KMT2A: variants seen among roughly 807,000 people sequenced by gnomAD.
KMT2A encodes histone-lysine N-methyltransferase 2A.
In KMT2A, 16 loss-of-function variants were observed where a neutral mutation model predicts 345.3. The observed-to-expected ratio is 0.05, with a 90% confidence interval of 0.03 to 0.07. The LOEUF is 0.07. Among genes scored for constraint, KMT2A ranks in the 10% least tolerant of loss-of-function variants. The probability of loss-of-function intolerance (pLI) is 1.00; values close to 1 mark genes in which losing one functional copy is unlikely to be tolerated. For missense variants in KMT2A, 3,272 were observed against 4,841.6 expected (o/e 0.68, Z 9.62); for synonymous variants, 1,599 against 1,778.6 (o/e 0.90, Z 2.54).
Position 118,506,146 on chromosome 11 carries a change from C to G in KMT2A, c.10254C>G (p.Pro3418=), listed in dbSNP as rs1950578570. The G allele has an allele frequency of 6.2e-7, 1 of 1,614,072 alleles. No homozygotes were observed. The highest frequency in any genetic ancestry group is 1.1e-5 in the South Asian group (1 of 91,090). The part of the protein sequence containing the change: ...MFPQLGTSQT[P]STAAITAASS... The stretch of plus-strand genomic sequence containing the variant: ...CACAACTGGGGACATCACAGACCCC[C>G]TCTACTGCTGCAATAACAGCGGCAT... The change falls in exon 27 of 36, where the codon CCC becomes CCG. Residue 3418 remains proline (P), a synonymous_variant. Coordinates refer to ENST00000534358, the MANE Select transcript of KMT2A (RefSeq NM_001197104.2).
chr11:118,490,308 G>T lies in KMT2A; in HGVS notation c.4696+59G>T. ...AGGTTGTACTTGGTGTTCTGGAGGTGAACTAGACTCTAGTGAAATGAAATA... is the reference window on the plus strand; with the variant it reads ...AGGTTGTACTTGGTGTTCTGGAGGTTAACTAGACTCTAGTGAAATGAAATA... On this transcript the variant is annotated intron_variant, in intron 13 of 35. Coordinates refer to ENST00000534358, the MANE Select transcript of KMT2A (RefSeq NM_001197104.2). The surrounding 1 kb of genome is among the most constrained non-coding windows in gnomAD (Gnocchi z 4.2). The T allele has an allele frequency of 6.8e-7, 1 of 1,476,180 alleles. No homozygotes were observed. The highest frequency in any genetic ancestry group is 1.5e-5 in the South Asian group (1 of 68,756). The allele number at this position is 1,476,180 out of a possible 1,614,324, so 91.4% of individuals were successfully genotyped here. A position where few individuals can be genotyped will look rare whatever the true frequency, so the allele number is the denominator to read the frequency against.
In KMT2A at chr11:118,525,815, G is replaced by A. The variant is rs1951070501; in HGVS notation, c.*3643G>A. 1 of 223,724 alleles carries A rather than the reference G, an allele frequency of 4.5e-6. No individual in the cohort carries two copies. Among genetic ancestry groups the A allele is most frequent in the African/African-American group, 2.2e-5 (1 of 44,544 alleles). The allele number at this position is 223,724 out of a possible 1,614,324, so 13.9% of individuals were successfully genotyped here. On this transcript the variant is annotated 3_prime_UTR_variant, in exon 36 of 36. Coordinates refer to ENST00000534358, the MANE Select transcript of KMT2A (RefSeq NM_001197104.2). ...GTTGTTTTTGTTTTTAAGGAAAAGC[G>A]GGTCATTGCAAAGGGCTGGGTGTAA...
rs1950411326 is a variant in KMT2A at position 118,496,505 on chromosome 11, C to T, written c.5664+138C>T. ...CTTACTAATTTATAACTTTTATTTA[C>T]CTATAACTTATAACTTATTAATTTG... On this transcript the variant is annotated intron_variant, in intron 20 of 35. Coordinates refer to ENST00000534358, the MANE Select transcript of KMT2A (RefSeq NM_001197104.2). The surrounding 1 kb of genome is among the most constrained non-coding windows in gnomAD (Gnocchi z 4.7). The T allele has an allele frequency of 9.2e-6, 5 of 544,544 alleles. No homozygotes were observed. Among genetic ancestry groups the T allele is most frequent in the Non-Finnish European group, 1.6e-5 (5 of 307,792 alleles). 33.7% of individuals were successfully genotyped at this position (544,544 alleles called of 1,614,324 possible).
At chr11:118,515,260 T>C (rs1253254443) in intron 31 of KMT2A, among the ~76,000 whole-genome samples, 2 of 152,234 alleles carry the variant, frequency 1.3e-5, no homozygotes, top group Non-Finnish European at 2.9e-5. Flanking sequence ...CTCTCTTCCC[T>C]CCAAATTCCC....
Position 118,488,604 on chromosome 11 carries a change from C to T in KMT2A, c.4333-10C>T, listed in dbSNP as rs200897156. The T allele has an allele frequency of 6.2e-7, 1 of 1,612,978 alleles. No individual in the cohort carries two copies. Among genetic ancestry groups the T allele is most frequent in the Non-Finnish European group, 8.5e-7 (1 of 1,179,080 alleles). ...TGACATACTTCTATCTTCCCATGTT[C>T]TTACTATAGTTTGTGTATTGCCAAG... On this transcript the variant is annotated splice_polypyrimidine_tract_variant and intron_variant, in intron 10 of 35. Coordinates refer to ENST00000534358, the MANE Select transcript of KMT2A (RefSeq NM_001197104.2).
At chr11:118,482,322 GTT>G (rs59281381) in intron 7 of KMT2A, 98 bp from the exon 8 acceptor site, 511 of 676,898 alleles carry the variant, frequency 7.5e-4, no homozygotes, top group South Asian at 9.7e-4. Flanking sequence ...AGTTTAAATA[GTT>G]TTTTTTTTTT....
chr11:118,482,956 G>A (rs1443878974), intron 8 of KMT2A, among the ~76,000 whole-genome samples: 1 of 152,148 alleles, frequency 6.6e-6, no homozygotes, highest in Non-Finnish European at 1.5e-5. Context: ...GGCTTGGCAA[G>A]GCGCAGCGGC....
At chr11:118,519,486 G>T in intron 31 of KMT2A, 132 bp from the exon 32 acceptor site, 2 of 674,396 alleles carry the variant, frequency 3.0e-6, no homozygotes, top group South Asian at 2.3e-5. Flanking sequence ...TGCTAATTTC[G>T]AGCTAATATG....
At chr11:118,450,252 A>G (rs1019316447) in intron 1 of KMT2A, 3 of 152,058 alleles carry the variant, frequency 2.0e-5, no homozygotes, top group Non-Finnish European at 4.4e-5. Flanking sequence ...AATTTGGGAC[A>G]TTGCCAGGAA....
chr11:118,465,331 C>T (rs1949823901), intron 1 of KMT2A, among the ~76,000 whole-genome samples: 1 of 152,118 alleles, frequency 6.6e-6, no homozygotes, highest in African/African-American at 2.4e-5. Context: ...TTCCCACGAC[C>T]CCCAGTTCTT....
Position 118,478,143 on chromosome 11 carries a change from A to G in KMT2A, c.3511A>G (p.Thr1171Ala). The G allele has an allele frequency of 6.2e-7, 1 of 1,614,216 alleles. No individual in the cohort carries two copies. Among genetic ancestry groups the G allele is most frequent in the Non-Finnish European group, 8.5e-7 (1 of 1,180,050 alleles). Residue 1171 changes from threonine (T) to alanine (A), a missense_variant, in exon 5 of 36, where the codon ACT becomes GCT. Coordinates refer to ENST00000534358, the MANE Select transcript of KMT2A (RefSeq NM_001197104.2). ...CQVPEDCGVCTNCLDKPKFGG... is the reference protein window; with the variant it reads ...CQVPEDCGVCANCLDKPKFGG... ...GGTGCCTGAGGACTGTGGTGTTTGTACTAATTGCTTAGATAAGCCCAAGTT... is the reference window on the plus strand; with the variant it reads ...GGTGCCTGAGGACTGTGGTGTTTGTGCTAATTGCTTAGATAAGCCCAAGTT...
In KMT2A at chr11:118,495,631, A is replaced by G; in HGVS notation, c.5364-69A>G. ...CATGGGGCAACAGGTGATATCAAGA[A>G]TTTATTTTATACAGTTCTAGGTATA... is the stretch of plus-strand genomic sequence containing the variant. On this transcript the variant is annotated intron_variant, in intron 18 of 35. Transcript: ENST00000534358. This position sits in a 1 kb window ranked among gnomAD's most constrained non-coding sequence, Gnocchi z 4.1. 4 of 1,248,730 alleles carry G rather than the reference A, an allele frequency of 3.2e-6. No individual in the cohort carries two copies. Among genetic ancestry groups the G allele is most frequent in the Non-Finnish European group, 4.4e-6 (4 of 912,370 alleles). 77.4% of individuals were successfully genotyped at this position (1,248,730 alleles called of 1,614,324 possible). A position where few individuals can be genotyped will look rare whatever the true frequency, so the allele number is the denominator to read the frequency against.
chr11:118,488,599 A>G lies in KMT2A; in HGVS notation c.4333-15A>G. ...TTATTTGACATACTTCTATCTTCCC[A>G]TGTTCTTACTATAGTTTGTGTATTG... On this transcript the variant is annotated splice_polypyrimidine_tract_variant and intron_variant, in intron 10 of 35. Transcript: ENST00000534358. The G allele has an allele frequency of 6.2e-7, 1 of 1,612,812 alleles. No individual in the cohort carries two copies.
intron 1 of KMT2A, among the ~76,000 whole-genome samples, chr11:118,456,573 C>T (rs192369191): frequency 1.4e-4 from 21 of 152,066 alleles, no homozygotes; most frequent in African/African-American, 4.8e-4. Context: ...CTCCTGACCT[C>T]ATGATTCGCC....
rs142948344 is a variant in KMT2A, at chr11:118,520,877, T to C, written c.11505T>C (p.Gly3835=). The C allele has an allele frequency of 6.2e-7, 1 of 1,611,338 alleles. No homozygotes were observed. The highest frequency in any genetic ancestry group is 1.1e-5 in the South Asian group (1 of 91,002). The change falls in exon 34 of 36, where the codon GGT becomes GGC. Residue 3835 remains glycine, a synonymous_variant. Transcript: ENST00000534358. The surrounding 1 kb of genome is among the most constrained non-coding windows in gnomAD (Gnocchi z 4.3). ...AAAAGACTTCTAAGGAGGCAGTTGG[T>C]GTCTACAGGTATGACTAAAATTCTA... ...HLKKTSKEAV[G]VYRSPIHGRG... is the part of the protein sequence containing the mutation.
In KMT2A at chr11:118,507,578, T is replaced by C. The variant is rs781920014; in HGVS notation, c.10804T>C (p.Ser3602Pro). 6.2e-7 allele frequency: 1 copy of C among 1,614,136 alleles called. No homozygotes were observed. Among genetic ancestry groups the C allele is most frequent in the East Asian group, 2.2e-5 (1 of 44,886 alleles). Reference protein sequence around the residue: ...EQQDTASVEQSSQKECGQPAG... With the variant: ...EQQDTASVEQPSQKECGQPAG... ...GCAGGATACAGCTAGCGTGGAGCAG[T>C]CCTCCCAGAAGGAGTGTGGGCAACC... Residue 3602 changes from serine to proline, a missense_variant, in exon 28 of 36, where the codon TCC becomes CCC. Coordinates refer to ENST00000534358, the MANE Select transcript of KMT2A (RefSeq NM_001197104.2).
rs1200017906 is a variant in KMT2A at position 118,498,332 on chromosome 11, A to G, written c.5803-38A>G. ...GACGGTAAACGTCTTAAAACATATG[A>G]AAGTCTGAATAGGACTCTGTTCTTT... On this transcript the variant is annotated intron_variant, in intron 21 of 35. Coordinates refer to ENST00000534358, the MANE Select transcript of KMT2A (RefSeq NM_001197104.2). The surrounding 1 kb of genome is among the most constrained non-coding windows in gnomAD (Gnocchi z 4.4). 6 of 1,575,480 alleles carry G rather than the reference A, an allele frequency of 3.8e-6. No individual in the cohort carries two copies. The Admixed American group carries it at 7.6e-5, about 20-fold the overall frequency.
intron 1 of KMT2A, chr11:118,449,567 C>CT (rs1949489259): frequency 8.5e-6 from 1 of 117,406 alleles, no homozygotes; most frequent in Non-Finnish European, 1.7e-5. Flanking sequence ...GCCTGGGCAA[C>CT]AGAGTGAGAC....
rs2134152141 is a variant in KMT2A at position 118,436,557 on chromosome 11, C to T, written c.45C>T (p.Thr15=). ...CRWRFPARPG[T]TGGGGGGGRR... is the part of the protein sequence containing the mutation. The stretch of plus-strand genomic sequence containing the variant: ...GGCGCTTCCCCGCCCGACCCGGGAC[C>T]ACCGGGGGCGGCGGCGGCGGGGGGC... Residue 15 remains threonine, a synonymous_variant, in exon 1 of 36, where the codon ACC becomes ACT. Coordinates refer to ENST00000534358, the MANE Select transcript of KMT2A (RefSeq NM_001197104.2). This position sits in a 1 kb window ranked among gnomAD's most constrained non-coding sequence, Gnocchi z 6.9. 2.5e-6 allele frequency: 3 copies of T among 1,221,046 alleles called. No homozygotes were observed. The African/African-American group carries it at 4.7e-5, about 19-fold the overall frequency. 75.6% of individuals were successfully genotyped at this position (1,221,046 alleles called of 1,614,324 possible). A position where few individuals can be genotyped will look rare whatever the true frequency, so the allele number is the denominator to read the frequency against.
Sources: allele counts gnomAD v4.1 joint callset (sites outside exome capture counted in the v4.1 genomes callset), GRCh38; gene constraint gnomAD v4.1.1; non-coding constraint Gnocchi (gnomAD v3.1); transcripts MANE v1.5; gene names NCBI Gene and HGNC (gene_info 2026-07-23, HGNC 2026-07-21).